MCF2L2: variants seen among roughly 807,000 people sequenced by gnomAD.
The protein encoded by MCF2L2 is MCF.2 cell line derived transforming sequence-like 2, also known as probable guanine nucleotide exchange factor MCF2L2.
Under a neutral mutation model 150.2 loss-of-function variants are expected in MCF2L2, and 102 were observed. That is an observed-to-expected ratio of 0.68 (90% CI 0.58 to 0.80). The LOEUF (loss-of-function observed/expected upper bound fraction) is 0.80, where lower values mean the gene tolerates loss of function less well. Ranked by LOEUF, MCF2L2 falls within the 30% of genes least tolerant of loss-of-function variation. The pLI, the probability that MCF2L2 is intolerant of heterozygous loss-of-function variation, is 0.00. For missense variants in MCF2L2, 1,256 were observed against 1,372.8 expected, an observed-to-expected ratio of 0.91 and a Z score of 1.34; for synonymous variants, 465 against 491.3, an observed-to-expected ratio of 0.95 and a Z score of 0.71.
At chr3:183,362,407 G>C (rs182931931) in intron 3 of MCF2L2, among the ~76,000 whole-genome samples, 32 of 152,102 alleles carry the variant, frequency 2.1e-4, no homozygotes, top group Admixed American at 1.6e-3. Flanking sequence ...CCAGCCTCTT[G>C]TCTCAAGAAC....
chr3:183,348,160 A>G (rs1267981040), intron 3 of MCF2L2, among the ~76,000 whole-genome samples: 1 of 152,252 alleles, frequency 6.6e-6, no homozygotes, highest in Non-Finnish European at 1.5e-5. Flanking sequence ...CCAAATGCCC[A>G]TCAATGATAG....
At chr3:183,206,293 C>A in intron 23 of MCF2L2, 79 bp from the exon 24 acceptor site, 1 of 1,040,430 alleles carries the variant, frequency 9.6e-7, no homozygotes, top group South Asian at 1.3e-5. Flanking sequence ...CACTCTAATC[C>A]TTTCTATCCT....
At chr3:183,186,781 T>C (rs1361808080) in intron 27 of MCF2L2, among the ~76,000 whole-genome samples, 2 of 152,130 alleles carry the variant, frequency 1.3e-5, no homozygotes, top group African/African-American at 4.8e-5. Context: ...GGTCTCAAGC[T>C]CCTGGATATC....
At chr3:183,391,922 C>T (rs966096999) in intron 1 of MCF2L2, among the ~76,000 whole-genome samples, 1 of 152,066 alleles carries the variant, frequency 6.6e-6, no homozygotes, top group Admixed American at 6.6e-5. Context: ...GGATCTTGCT[C>T]TGTCACACAG....
At chr3:183,312,709 A>G (rs1402405561) in intron 7 of MCF2L2, among the ~76,000 whole-genome samples, 1 of 152,220 alleles carries the variant, frequency 6.6e-6, no homozygotes, top group Non-Finnish European at 1.5e-5. Context: ...CTGTGGGAAG[A>G]GTTTTAGACC....
At chr3:183,272,659 A>G in intron 15 of MCF2L2, 1 of 1,003,138 alleles carries the variant, frequency 1.0e-6, no homozygotes. Context: ...TTAGATCATT[A>G]CAGTTTAAGT....
chr3:183,381,970 A>AG (rs1342264273), intron 2 of MCF2L2, among the ~76,000 whole-genome samples: 12 of 152,302 alleles, frequency 7.9e-5, no homozygotes, highest in Non-Finnish European at 1.6e-4. Context: ...ACATTTGCTG[A>AG]GGGACTGGCT....
intron 1 of MCF2L2, 94 bp downstream of exon 1, chr3:183,427,808 C>CGGGGCAGCGCGCTTCCT: frequency 9.2e-7 from 1 of 1,089,776 alleles, no homozygotes; most frequent in Non-Finnish European, 1.4e-6. Context: ...CGCGCTGCCC[C>CGGGGCAGCGCGCTTCCT]GGGGCAGCGG....
intron 15 of MCF2L2, among the ~76,000 whole-genome samples, chr3:183,264,298 C>T (rs1026018347): frequency 1.3e-5 from 2 of 152,226 alleles, no homozygotes; most frequent in Non-Finnish European, 2.9e-5. Flanking sequence ...TCCTCAGGCC[C>T]TCCTAAAATC....
At chr3:183,371,831 A>AAT (rs1177836779) in intron 3 of MCF2L2, among the ~76,000 whole-genome samples, 1 of 151,876 alleles carries the variant, frequency 6.6e-6, no homozygotes, top group Non-Finnish European at 1.5e-5. Context: ...AGGGTAGAGG[A>AAT]ATAGTCACTT....
chr3:183,390,312 C>T (rs1454646322), intron 1 of MCF2L2, among the ~76,000 whole-genome samples: 3 of 152,172 alleles, frequency 2.0e-5, no homozygotes, highest in African/African-American at 7.2e-5. Context: ...CTTTAAGGGG[C>T]CTCTTCCTAC....
chr3:183,358,616 G>A (rs146635525), intron 3 of MCF2L2, among the ~76,000 whole-genome samples: 73 of 152,188 alleles, frequency 4.8e-4, no homozygotes, highest in South Asian at 1.2e-3. Flanking sequence ...GGTTGGTTAC[G>A]GAAAATTTTT....
chr3:183,351,223 TATATATA>T (rs1731117530), intron 3 of MCF2L2, among the ~76,000 whole-genome samples: 5 of 94,086 alleles, frequency 5.3e-5, no homozygotes, highest in Non-Finnish European at 9.7e-5. Flanking sequence ...TATATATATA[TATATATA>T]TATATATTTA....
At chr3:183,273,054 G>A (rs1332397630) in intron 15 of MCF2L2, 10 of 1,487,092 alleles carry the variant, frequency 6.7e-6, no homozygotes, top group Non-Finnish European at 8.9e-6. Context: ...TTAAAGTACT[G>A]AGAAGAGTAT....
chr3:183,273,349 A>C (rs965824609), intron 15 of MCF2L2: 1 of 230,616 alleles, frequency 4.3e-6, no homozygotes, highest in African/African-American at 2.3e-5. Context: ...TGAGTTTAAA[A>C]AAAATCTATA....
intron 22 of MCF2L2, 62 bp from the exon 23 acceptor site, chr3:183,207,885 T>C: frequency 1.6e-6 from 2 of 1,275,592 alleles, no homozygotes; most frequent in African/African-American, 1.5e-5. Context: ...AAAGAAGCCT[T>C]TGTGGCCTGT....
chr3:183,368,839 C>T (rs1301095415), intron 3 of MCF2L2, among the ~76,000 whole-genome samples: 1 of 152,178 alleles, frequency 6.6e-6, no homozygotes, highest in Non-Finnish European at 1.5e-5. Context: ...CTGGACTACT[C>T]TGATTGATAA....
At chr3:183,403,225 C>T (rs1244079018) in intron 1 of MCF2L2, among the ~76,000 whole-genome samples, 2 of 152,080 alleles carry the variant, frequency 1.3e-5, no homozygotes, top group Non-Finnish European at 1.5e-5. Context: ...TGAGCCGAGA[C>T]TGCACCACTG....
At chr3:183,218,554 G>C (rs1000668237) in intron 21 of MCF2L2, among the ~76,000 whole-genome samples, 1 of 152,138 alleles carries the variant, frequency 6.6e-6, no homozygotes, top group Non-Finnish European at 1.5e-5. Flanking sequence ...ATAATAGCTT[G>C]AACCCGGGAG....
Sources: allele counts gnomAD v4.1 joint callset (sites outside exome capture counted in the v4.1 genomes callset), GRCh38; gene constraint gnomAD v4.1.1; transcripts MANE v1.5; gene names NCBI Gene and HGNC (gene_info 2026-07-23, HGNC 2026-07-21).